Variants in SLC12A8 observed in about 807,000 individuals in gnomAD.
SLC12A8 encodes the protein solute carrier family 12 member 8.
In SLC12A8, 69 loss-of-function variants were observed where a neutral mutation model predicts 75.6. That is an observed-to-expected ratio of 0.91 (90% CI 0.75 to 1.11). SLC12A8 has a LOEUF of 1.11. Ranked by LOEUF, SLC12A8 falls within the 50% of genes most tolerant of loss-of-function variation. SLC12A8 has a pLI of 0.00. For missense variants in SLC12A8, 877 were observed against 896.7 expected (o/e 0.98, Z 0.28); for synonymous variants, 365 against 372.8 (o/e 0.98, Z 0.24).
intron 2 of SLC12A8, among the ~76,000 whole-genome samples, chr3:125,202,969 T>A (rs1935154607): frequency 6.7e-6 from 1 of 150,090 alleles, no homozygotes; most frequent in South Asian, 2.1e-4. Context: ...GCACCTATAA[T>A]CCCAGCTACT....
At chr3:125,163,345 C>T (rs544865872) in intron 5 of SLC12A8, among the ~76,000 whole-genome samples, 42 of 151,382 alleles carry the variant, frequency 2.8e-4, no homozygotes, top group African/African-American at 9.5e-4. Flanking sequence ...CGGTGGTTCA[C>T]GCCTGTAATC....
At chr3:125,090,610 A>G (rs1427469284) in intron 12 of SLC12A8, among the ~76,000 whole-genome samples, 2 of 152,210 alleles carry the variant, frequency 1.3e-5, no homozygotes, top group Non-Finnish European at 2.9e-5. Context: ...TTTTAAGTGC[A>G]TAAATGTTAA....
At chr3:125,137,257 C>T (rs1560064030) in intron 5 of SLC12A8, among the ~76,000 whole-genome samples, 1 of 152,120 alleles carries the variant, frequency 6.6e-6, no homozygotes, top group Non-Finnish European at 1.5e-5. Flanking sequence ...GAAACGAAAT[C>T]TCAGGGAAGC....
At chr3:125,204,517 G>T (rs1488482646) in intron 2 of SLC12A8, among the ~76,000 whole-genome samples, 1 of 152,140 alleles carries the variant, frequency 6.6e-6, no homozygotes, top group Non-Finnish European at 1.5e-5. Flanking sequence ...CCATATGTGG[G>T]AGCTAAAACA....
intron 13 of SLC12A8, among the ~76,000 whole-genome samples, chr3:125,086,173 C>A (rs780611181): frequency 3.3e-5 from 5 of 152,152 alleles, no homozygotes; most frequent in African/African-American, 1.2e-4. Flanking sequence ...TGAGCCACTG[C>A]GCCCAGCCTT....
At chr3:125,199,311 A>T (rs2107801335) in intron 2 of SLC12A8, among the ~76,000 whole-genome samples, 1 of 152,344 alleles carries the variant, frequency 6.6e-6, no homozygotes, top group South Asian at 2.1e-4. Flanking sequence ...ATCTGAATCG[A>T]CTGAGTCAAG....
chr3:125,093,932 T>C (rs1226949742), intron 10 of SLC12A8, among the ~76,000 whole-genome samples: 2 of 152,196 alleles, frequency 1.3e-5, no homozygotes, highest in African/African-American at 4.8e-5. Context: ...TTTCAGCCCC[T>C]GGTTCACCAT....
intron 5 of SLC12A8, among the ~76,000 whole-genome samples, chr3:125,159,098 T>C (rs1934108430): frequency 6.6e-6 from 1 of 152,124 alleles, no homozygotes; most frequent in Admixed American, 6.5e-5. Context: ...AAATGAAAAA[T>C]GATACTTTTT....
At chr3:125,167,867 A>G (rs778725926) in intron 5 of SLC12A8, among the ~76,000 whole-genome samples, 1 of 152,276 alleles carries the variant, frequency 6.6e-6, no homozygotes, top group Non-Finnish European at 1.5e-5. Context: ...AAAGGGGCAG[A>G]ATTGGAGATA....
chr3:125,091,853 G>A (rs2788466), intron 11 of SLC12A8, among the ~76,000 whole-genome samples: 65,033 of 152,038 alleles, frequency 0.43, 14,857 homozygotes, highest in Middle Eastern at 0.64. Context: ...ATAACTTAGC[G>A]TACCTTAAAA....
chr3:125,178,045 C>T lies in SLC12A8; in HGVS notation c.391-71G>A, dbSNP rs559456008. On this transcript the variant is annotated intron_variant, in intron 4 of 13. Transcript: ENST00000469902. ...TGGGCCCATGGGCAGAACCGCCCAGCGCTGAGAACCCTGCACCCCCATCGG... is the reference window on the plus strand; with the variant it reads ...TGGGCCCATGGGCAGAACCGCCCAGTGCTGAGAACCCTGCACCCCCATCGG... 8.5e-4 allele frequency: 1,061 copies of T among 1,253,142 alleles called. 20 individuals carry two copies. In the South Asian group the frequency reaches 0.012, roughly 15 times the overall value. 77.6% of individuals were successfully genotyped at this position (1,253,142 alleles called of 1,614,324 possible).
At chr3:125,164,256 G>A (rs939619178) in intron 5 of SLC12A8, among the ~76,000 whole-genome samples, 5 of 152,178 alleles carry the variant, frequency 3.3e-5, no homozygotes, top group Admixed American at 6.5e-5. Flanking sequence ...TTGGAGTCAG[G>A]TGCCTCTGGG....
intron 5 of SLC12A8, among the ~76,000 whole-genome samples, chr3:125,136,575 G>T (rs1204206650): frequency 2.0e-5 from 3 of 152,174 alleles, no homozygotes; most frequent in Non-Finnish European, 4.4e-5. Flanking sequence ...CACTGCACTG[G>T]TGCACAGTAG....
At position 125,120,657 on chromosome 3, in the gene SLC12A8, C is replaced by G. The variant is rs771820508; in HGVS notation, c.766G>C (p.Asp256His). The change falls in exon 7 of 14, where the codon GAC (aspartate) becomes CAC (histidine). Residue 256 changes from aspartate (D) to histidine (H), a missense_variant. Asp to His is a moderately conservative substitution (Grantham distance 81). Coordinates refer to ENST00000469902, the MANE Select transcript of SLC12A8 (RefSeq NM_024628.6). Reference protein sequence around the residue: ...GVMAGFNMGGDLREPAASIPL... With the variant: ...GVMAGFNMGGHLREPAASIPL... Reference sequence around the variant, plus strand: ...ATGCTGGCGGCAGGCTCCCTGAGGTCGCCCCCCATGTTGAAGCCGGCCATG... The same window carrying G: ...ATGCTGGCGGCAGGCTCCCTGAGGTGGCCCCCCATGTTGAAGCCGGCCATG... 3 of 1,613,526 alleles carry G rather than the reference C, an allele frequency of 1.9e-6. No homozygotes were observed. Among genetic ancestry groups the G allele is most frequent in the Non-Finnish European group, 2.5e-6 (3 of 1,179,916 alleles).
intron 6 of SLC12A8, 170 bp from the exon 7 acceptor site, chr3:125,120,856 G>A: frequency 1.4e-6 from 1 of 706,894 alleles, no homozygotes; most frequent in Non-Finnish European, 2.6e-6. Context: ...CTGGCAACTA[G>A]GGAGGCATCC....
chr3:125,109,792 T>C (rs1160740812), intron 9 of SLC12A8, among the ~76,000 whole-genome samples: 1 of 152,170 alleles, frequency 6.6e-6, no homozygotes, highest in African/African-American at 2.4e-5. Flanking sequence ...AGGGCAGAGT[T>C]AGAGCTGCAA....
chr3:125,116,685 C>T (rs774855541), intron 8 of SLC12A8, among the ~76,000 whole-genome samples: 7 of 152,254 alleles, frequency 4.6e-5, no homozygotes, highest in Non-Finnish European at 1.0e-4. Flanking sequence ...AGGAGAGCTG[C>T]GGCCCAGGGG....
intron 7 of SLC12A8, among the ~76,000 whole-genome samples, chr3:125,119,558 C>T (rs541780029): frequency 3.5e-4 from 54 of 152,356 alleles, no homozygotes; most frequent in African/African-American, 1.3e-3. Flanking sequence ...CCTCCTGGAA[C>T]CTCCCAGCTG....
intron 6 of SLC12A8, among the ~76,000 whole-genome samples, chr3:125,134,140 C>A (rs9809701): frequency 6.6e-6 from 1 of 151,886 alleles, no homozygotes; most frequent in African/African-American, 2.4e-5. Flanking sequence ...CTCGCTCTGT[C>A]GCCCAGGCTG....
Sources: gnomAD v4.1 joint callset for allele counts (sites outside exome capture counted in the v4.1 genomes callset) on GRCh38, gnomAD v4.1.1 for gene constraint, MANE v1.5 for transcripts, NCBI Gene and HGNC (gene_info 2026-07-23, HGNC 2026-07-21) for gene names.